The following ANKRD36C variants were observed in gnomAD, a reference collection of about 807,000 sequenced individuals.
ANKRD36C encodes ankyrin repeat domain 36C.
A neutral mutation model predicts 276.4 loss-of-function variants in ANKRD36C; 61 were observed. The observed-to-expected ratio is 0.22, with a 90% confidence interval of 0.18 to 0.27. The LOEUF is 0.27. Ranked by LOEUF, ANKRD36C falls within the 10% of genes least tolerant of loss-of-function variation. The probability of loss-of-function intolerance (pLI) is 1.00; values close to 1 mark genes in which losing one functional copy is unlikely to be tolerated. For synonymous variants in ANKRD36C, 483 were observed against 680.1 expected (o/e 0.71, Z 4.51); for missense variants, 1,447 against 2,032.3 (o/e 0.71, Z 5.54).
chr2:95,906,559 C>G (rs891969837), intron 42 of ANKRD36C, 72 bp downstream of exon 50: 1 of 210,962 alleles, frequency 4.7e-6, no homozygotes, highest in South Asian at 2.7e-5. Context: ...ACCAGCCCCC[C>G]ACTGATTTAT....
intron 1 of ANKRD36C, 147 bp from the exon 2 acceptor site, chr2:95,987,353 T>A: frequency 7.6e-7 from 1 of 1,322,302 alleles, no homozygotes; most frequent in South Asian, 1.6e-5. Flanking sequence ...AAGAGCAGGC[T>A]ATTTAATAGA....
chr2:95,909,459 T>C (rs531430091), intron 42 of ANKRD36C, among the ~76,000 whole-genome samples: 2,206 of 82,730 alleles, frequency 0.027, 36 homozygotes, highest in Middle Eastern at 0.048. Flanking sequence ...TATTGATCAG[T>C]TTTTCATTCA....
intron 59 of ANKRD36C, among the ~76,000 whole-genome samples, chr2:95,874,934 C>A (rs1254448142): frequency 6.6e-6 from 1 of 152,218 alleles, no homozygotes; most frequent in Non-Finnish European, 1.5e-5. Flanking sequence ...AAACAATGCT[C>A]ACCATCACTA....
chr2:95,866,811 T>C (rs1675691002), intron 60 of ANKRD36C, among the ~76,000 whole-genome samples: 1 of 152,132 alleles, frequency 6.6e-6, no homozygotes, highest in African/African-American at 2.4e-5. Context: ...TAGTTTCACA[T>C]GTGTATACAT....
In ANKRD36C at chr2:95,875,430, A is replaced by G. The variant is rs1247002282; in HGVS notation, c.3540+1009T>C. On this transcript the variant is annotated intron_variant, in intron 59 of 66. Coordinates refer to ENST00000456556, the Ensembl canonical transcript of ANKRD36C. ...TCATTCTCAGTAAACTATCGCAAGG[A>G]CAAAAAACCAAACACTGCATGTTCT... Among the ~76,000 whole-genome samples, 8 of 150,588 alleles carry G rather than the reference A, an allele frequency of 5.3e-5. No homozygotes were observed. The East Asian group carries it at 1.4e-3, about 26-fold the overall frequency.
At chr2:95,955,267 C>G (rs1678300173) in intron 13 of ANKRD36C, among the ~76,000 whole-genome samples, 1 of 152,284 alleles carries the variant, frequency 6.6e-6, no homozygotes, top group Non-Finnish European at 1.5e-5. Context: ...ACATTCCTAT[C>G]TCCTCTGGAG....
chr2:95,909,096 A>C (rs1050381493), intron 42 of ANKRD36C, among the ~76,000 whole-genome samples: 1 of 149,710 alleles, frequency 6.7e-6, no homozygotes. Flanking sequence ...AAGGATTTAC[A>C]CCATTATACT....
Position 95,916,314 on chromosome 2 carries a change from T to C in ANKRD36C, c.2348-143A>G, listed in dbSNP as rs187375244. The C allele has an allele frequency of 1.0e-4, 122 of 1,166,044 alleles. No individual in the cohort carries two copies. The African/African-American group carries it at 1.1e-3, about 11-fold the overall frequency. The allele number at this position is 1,166,044 out of a possible 1,614,324, so 72.2% of individuals were successfully genotyped here. ...TGGCTTCTACTTTGTGTCTGGGGAC[T>C]AGAACATGACAGAAATACACTGAAA... On this transcript the variant is annotated intron_variant, in intron 36 of 66. Coordinates refer to ENST00000456556, the Ensembl canonical transcript of ANKRD36C.
chr2:95,919,871 T>C, intron 34 of ANKRD36C, 21 bp downstream of exon 35: 11 of 1,544,876 alleles, frequency 7.1e-6, no homozygotes, highest in South Asian at 1.1e-5. Flanking sequence ...TAGACTACAA[T>C]GTAAATGAGA....
chr2:95,860,115 G>A (rs1296570788), intron 60 of ANKRD36C, 41 bp from the exon 81 acceptor site: 5 of 1,259,928 alleles, frequency 4.0e-6, no homozygotes, highest in African/African-American at 3.0e-5. Flanking sequence ...AAATACATGA[G>A]TAGATTTTTG....
At chr2:95,961,605 A>C (rs1374016920) in intron 8 of ANKRD36C, among the ~76,000 whole-genome samples, 3 of 152,084 alleles carry the variant, frequency 2.0e-5, no homozygotes, top group African/African-American at 7.2e-5. Context: ...TCCTTGAAAA[A>C]CAAAGCCAAT....
At chr2:95,865,732 G>T (rs1035565939) in intron 60 of ANKRD36C, among the ~76,000 whole-genome samples, 4 of 152,100 alleles carry the variant, frequency 2.6e-5, no homozygotes, top group African/African-American at 9.7e-5. Context: ...CCACTGTGGT[G>T]TCTGTGTTGG....
At chr2:95,849,180 T>G (rs1309412824), downstream of ANKRD36C, among the ~76,000 whole-genome samples, 2 of 152,030 alleles carry the variant, frequency 1.3e-5, no homozygotes, top group Non-Finnish European at 2.9e-5. Context: ...CCACCTCAGC[T>G]TCCCGAGTAG....
At chr2:95,923,589 T>G in intron 31 of ANKRD36C, 22 bp from the exon 32 acceptor site, 1 of 1,608,992 alleles carries the variant, frequency 6.2e-7, no homozygotes, top group East Asian at 2.2e-5. Context: ...TTGAAGCAAA[T>G]TATCAATAAA....
chr2:95,893,554 C>T, intron 44 of ANKRD36C: 3 of 1,552,496 alleles, frequency 1.9e-6, no homozygotes, highest in Non-Finnish European at 2.6e-6. Context: ...TTTTCTCCAT[C>T]CTTTTTTTCT....
intron 42 of ANKRD36C, among the ~76,000 whole-genome samples, chr2:95,910,062 C>T (rs1483130371): frequency 6.6e-6 from 1 of 151,264 alleles, no homozygotes; most frequent in African/African-American, 2.4e-5. Context: ...CTTTCTCCTT[C>T]CACCCTTACT....
At chr2:95,971,287 G>A (rs1488593320) in intron 6 of ANKRD36C, among the ~76,000 whole-genome samples, 1 of 112,310 alleles carries the variant, frequency 8.9e-6, no homozygotes, top group Non-Finnish European at 2.1e-5. Flanking sequence ...TTTATAGAAG[G>A]TATATTTAAA....
chr2:95,947,357 T>G (rs1368180157), intron 17 of ANKRD36C, among the ~76,000 whole-genome samples: 1 of 152,186 alleles, frequency 6.6e-6, no homozygotes. Flanking sequence ...AGGCATATTA[T>G]GTTACCTGTA....
intron 14 of ANKRD36C, among the ~76,000 whole-genome samples, chr2:95,951,638 T>C (rs1048999206): frequency 3.9e-5 from 6 of 152,290 alleles, no homozygotes; most frequent in Admixed American, 2.6e-4. Flanking sequence ...CCCATGTTGA[T>C]TATTATACAA....
Sources: allele counts gnomAD v4.1 joint callset (sites outside exome capture counted in the v4.1 genomes callset), GRCh38; gene constraint gnomAD v4.1.1; transcripts MANE v1.5; gene names NCBI Gene and HGNC (gene_info 2026-07-23, HGNC 2026-07-21).